RHAG: variants seen among roughly 807,000 people sequenced by gnomAD.
RHAG encodes Rh associated glycoprotein, also known as ammonium transporter Rh type A.
A neutral mutation model predicts 42.4 loss-of-function variants in RHAG; 25 were observed. That is an observed-to-expected ratio of 0.59 (90% CI 0.43 to 0.82). RHAG has a LOEUF of 0.82. RHAG is among the 40% of genes least tolerant of loss of function. The pLI, the probability that RHAG is intolerant of heterozygous loss-of-function variation, is 0.00. For synonymous variants in RHAG, 182 were observed against 177.7 expected, an observed-to-expected ratio of 1.02 and a Z score of -0.19; for missense variants, 483 against 504.6, an observed-to-expected ratio of 0.96 and a Z score of 0.41.
At chr6:49,607,127 A>C in intron 8 of RHAG, 23 bp downstream of exon 8, 1 of 1,585,652 alleles carries the variant, frequency 6.3e-7, no homozygotes, top group South Asian at 1.1e-5. Flanking sequence ...AGATACAGGG[A>C]AGTGTTCACT....
intron 1 of RHAG, among the ~76,000 whole-genome samples, chr6:49,635,878 T>C (rs1015746425): frequency 1.3e-5 from 2 of 152,164 alleles, no homozygotes; most frequent in African/African-American, 2.4e-5. Context: ...TGAACCTTAC[T>C]TAAGAAAAGC....
chr6:49,635,290 A>T (rs377297242), intron 1 of RHAG, among the ~76,000 whole-genome samples: 5 of 152,110 alleles, frequency 3.3e-5, no homozygotes, highest in South Asian at 2.1e-4. Flanking sequence ...TCTTAAGATA[A>T]CTTTATTTAA....
At chr6:49,610,860 T>C (rs988770573) in intron 7 of RHAG, among the ~76,000 whole-genome samples, 164 bp downstream of exon 7, 3 of 152,246 alleles carry the variant, frequency 2.0e-5, no homozygotes, top group Non-Finnish European at 2.9e-5. Context: ...CCTCTTCCAA[T>C]ATAATTTTAT....
intron 2 of RHAG, 135 bp downstream of exon 2, chr6:49,619,044 T>A: frequency 4.2e-6 from 4 of 944,136 alleles, no homozygotes; most frequent in Non-Finnish European, 6.7e-6. Flanking sequence ...CTGATCCCAT[T>A]CATAAACACT....
intron 1 of RHAG, among the ~76,000 whole-genome samples, chr6:49,635,587 A>T (rs1215395793): frequency 2.6e-5 from 4 of 152,114 alleles, no homozygotes; most frequent in Non-Finnish European, 5.9e-5. Flanking sequence ...ACCCTCTCAG[A>T]CATCTATGCA....
At chr6:49,622,992 C>T (rs1370140676) in intron 1 of RHAG, among the ~76,000 whole-genome samples, 2 of 151,208 alleles carry the variant, frequency 1.3e-5, no homozygotes, top group Non-Finnish European at 2.9e-5. Context: ...TCCGCCACTA[C>T]GCCTGGCTAA....
chr6:49,622,825 C>G (rs943513741), intron 1 of RHAG, among the ~76,000 whole-genome samples: 1 of 149,682 alleles, frequency 6.7e-6, no homozygotes, highest in Non-Finnish European at 1.5e-5. Flanking sequence ...TGATGGAAAA[C>G]CAGACTTTTT....
chr6:49,631,959 G>A (rs1034419520), intron 1 of RHAG: 5 of 152,170 alleles, frequency 3.3e-5, no homozygotes, highest in African/African-American at 7.2e-5. Context: ...TGAAAGTCAT[G>A]AAATGATTTC....
chr6:49,617,676 A>G (rs532971308), intron 3 of RHAG, among the ~76,000 whole-genome samples: 4 of 152,300 alleles, frequency 2.6e-5, no homozygotes, highest in Admixed American at 1.3e-4. Context: ...AACCACTACA[A>G]TGTTTTATAT....
chr6:49,614,262 G>A (rs557037911), intron 5 of RHAG, among the ~76,000 whole-genome samples: 3 of 150,646 alleles, frequency 2.0e-5, no homozygotes, highest in Admixed American at 1.3e-4. Flanking sequence ...GCATAATCTC[G>A]GCTCACTGCA....
Position 49,636,785 on chromosome 6 carries a change from T to C in RHAG, c.28A>G (p.Ile10Val), listed in dbSNP as rs774852399. 2.5e-6 allele frequency: 4 copies of C among 1,613,870 alleles called. No homozygotes were observed. Among genetic ancestry groups the C allele is most frequent in the Non-Finnish European group, 3.4e-6 (4 of 1,179,760 alleles). MRFTFPLMAIVLEIAMIVLF... is the reference protein window; with the variant it reads MRFTFPLMAVVLEIAMIVLF... ...ACAATCATGGCAATTTCCAGGACTATAGCCATGAGAGGGAATGTGAACCTC... is the reference window on the plus strand; with the variant it reads ...ACAATCATGGCAATTTCCAGGACTACAGCCATGAGAGGGAATGTGAACCTC... Residue 10 changes from isoleucine to valine, a missense_variant, in exon 1 of 10, where the codon ATA (isoleucine) becomes GTA (valine). Physicochemically the swap from Ile to Val is conservative, Grantham distance 29. Coordinates refer to ENST00000371175, the MANE Select transcript of RHAG (RefSeq NM_000324.3).
chr6:49,636,062 C>T (rs561550850), intron 1 of RHAG, among the ~76,000 whole-genome samples: 12 of 152,182 alleles, frequency 7.9e-5, no homozygotes, highest in Admixed American at 7.2e-4. Flanking sequence ...ATCATCATTC[C>T]CAAGGAAGGA....
At chr6:49,606,088 C>A (rs113285081) in intron 9 of RHAG, among the ~76,000 whole-genome samples, 2 of 152,016 alleles carry the variant, frequency 1.3e-5, no homozygotes, top group South Asian at 4.1e-4. Context: ...TCAAGCTTTG[C>A]GGGAAATAAT....
chr6:49,629,546 C>T (rs1198694682), intron 1 of RHAG, among the ~76,000 whole-genome samples: 1 of 152,174 alleles, frequency 6.6e-6, no homozygotes, highest in African/African-American at 2.4e-5. Flanking sequence ...TGTTGTGCAC[C>T]CACACTCCTC....
chr6:49,636,438 T>C (rs1354027811), intron 1 of RHAG, among the ~76,000 whole-genome samples: 1 of 152,138 alleles, frequency 6.6e-6, no homozygotes, highest in Non-Finnish European at 1.5e-5. Context: ...ATTTTCAGCT[T>C]CTTGTTCTGA....
intron 2 of RHAG, 60 bp from the exon 3 acceptor site, chr6:49,618,278 G>A (rs887023727): frequency 8.0e-5 from 127 of 1,588,686 alleles, no homozygotes; most frequent in Non-Finnish European, 1.0e-4. Context: ...ACTGACCAAA[G>A]TGCAATCCCA....
chr6:49,607,089 T>C (rs968600012), intron 8 of RHAG, 61 bp downstream of exon 8: 19 of 1,432,692 alleles, frequency 1.3e-5, no homozygotes, highest in Non-Finnish European at 1.8e-5. Flanking sequence ...GCTCATTAAT[T>C]ATCTATTGTA....
chr6:49,618,561 T>G (rs1471541), intron 2 of RHAG, among the ~76,000 whole-genome samples: 25,109 of 152,202 alleles, frequency 0.16, 2,158 homozygotes, highest in East Asian at 0.22. Flanking sequence ...TCCCTGTAGC[T>G]GAGATGGAAG....
chr6:49,614,968 G>C (rs1473663275), intron 4 of RHAG, 115 bp from the exon 5 acceptor site: 2 of 1,025,806 alleles, frequency 1.9e-6, no homozygotes, highest in African/African-American at 3.2e-5. Context: ...TTATTTTTGA[G>C]ATGGAGTGTC....
Sources: allele counts gnomAD v4.1 joint callset (sites outside exome capture counted in the v4.1 genomes callset), GRCh38; gene constraint gnomAD v4.1.1; transcripts MANE v1.5; gene names NCBI Gene and HGNC (gene_info 2026-07-23, HGNC 2026-07-21).